Variants in VPS13B observed in about 807,000 individuals in gnomAD.
VPS13B encodes the protein intermembrane lipid transfer protein VPS13B.
A neutral mutation model predicts 426.4 loss-of-function variants in VPS13B; 285 were observed. That is an observed-to-expected ratio of 0.67 (90% CI 0.61 to 0.74). The LOEUF (loss-of-function observed/expected upper bound fraction) is 0.74. Ranked by LOEUF, VPS13B falls within the 30% of genes least tolerant of loss-of-function variation. VPS13B has a pLI of 0.00. For missense variants in VPS13B, 4,537 were observed against 4,782.6 expected (o/e 0.95, Z 1.51); for synonymous variants, 1,676 against 1,676.4 (o/e 1.00, Z 0.01).
intron 19 of VPS13B, among the ~76,000 whole-genome samples, chr8:99,330,740 C>A (rs1228072873): frequency 6.6e-6 from 1 of 151,774 alleles, no homozygotes; most frequent in African/African-American, 2.4e-5. Flanking sequence ...GTTATTTGAT[C>A]TAGTCATTGT....
chr8:99,708,596 A>G (rs889913828), intron 36 of VPS13B, among the ~76,000 whole-genome samples: 3 of 152,146 alleles, frequency 2.0e-5, no homozygotes, highest in Admixed American at 6.5e-5. Flanking sequence ...AATCTCACCT[A>G]TGAGAAGTCA....
rs111715326 is a variant in VPS13B, at chr8:99,800,750, T to C, written c.7942-8625T>C. Among the ~76,000 whole-genome samples, 99 of 152,236 alleles carry C rather than the reference T, an allele frequency of 6.5e-4. 2 individuals are homozygous for C. In the South Asian group the frequency reaches 8.5e-3, roughly 13 times the overall value. On this transcript the variant is annotated intron_variant, in intron 43 of 61. Coordinates refer to ENST00000357162, the MANE Select transcript of VPS13B (RefSeq NM_152564.5). ...TACATATGTAAACTTCAGCCAGAGA[T>C]TGAACAGAGAAAATTCCTGAACAAT... is the stretch of plus-strand genomic sequence containing the variant.
At chr8:99,021,681 G>A (rs1032650928) in intron 2 of VPS13B, among the ~76,000 whole-genome samples, 1 of 151,792 alleles carries the variant, frequency 6.6e-6, no homozygotes, top group Non-Finnish European at 1.5e-5. Context: ...CTGGAGTGCA[G>A]TGGCATGATC....
chr8:99,806,031 C>T (rs1167241033), intron 43 of VPS13B, among the ~76,000 whole-genome samples: 2 of 152,188 alleles, frequency 1.3e-5, no homozygotes, highest in African/African-American at 4.8e-5. Flanking sequence ...GCTTTCCTCT[C>T]CCCTGTATTT....
At chr8:99,747,529 T>C (rs1323312648) in intron 39 of VPS13B, among the ~76,000 whole-genome samples, 1 of 152,066 alleles carries the variant, frequency 6.6e-6, no homozygotes, top group Non-Finnish European at 1.5e-5. Flanking sequence ...CATTCAGAAG[T>C]AAAATCATTC....
At chr8:99,638,083 A>G (rs1188904355) in intron 33 of VPS13B, among the ~76,000 whole-genome samples, 1 of 152,168 alleles carries the variant, frequency 6.6e-6, no homozygotes, top group Non-Finnish European at 1.5e-5. Context: ...AAATTTTCAT[A>G]ATAAGGATAA....
intron 2 of VPS13B, among the ~76,000 whole-genome samples, chr8:99,034,121 C>T (rs1333907525): frequency 1.3e-5 from 2 of 152,176 alleles, no homozygotes; most frequent in Admixed American, 6.5e-5. Context: ...TTGATTTCTT[C>T]TCCCCCAGGA....
At chr8:99,458,387 C>A (rs369364843) in intron 23 of VPS13B, among the ~76,000 whole-genome samples, 4 of 151,766 alleles carry the variant, frequency 2.6e-5, no homozygotes, top group South Asian at 2.1e-4. Flanking sequence ...TACGTGTGGC[C>A]TGTGTCTTTA....
intron 17 of VPS13B, chr8:99,233,310 A>AT: frequency 9.0e-7 from 1 of 1,114,740 alleles, no homozygotes; most frequent in South Asian, 1.2e-5. Flanking sequence ...GCACTCTGAT[A>AT]TGGGCTTCCA....
intron 39 of VPS13B, among the ~76,000 whole-genome samples, chr8:99,742,256 C>A (rs1215976979): frequency 6.6e-6 from 1 of 152,006 alleles, no homozygotes; most frequent in Admixed American, 6.6e-5. Flanking sequence ...ACACATACAC[C>A]CTCCCAAGAC....
In VPS13B at chr8:99,362,466, T is replaced by G. The variant is rs2133240473; in HGVS notation, c.2825-21742T>G. Among the ~76,000 whole-genome samples the G allele has an allele frequency of 2.6e-5, 4 of 152,260 alleles. No homozygotes were observed. In the South Asian group the frequency reaches 8.3e-4, roughly 32 times the overall value. ...CTAATTTGTCTTTATGCCTTTAGTT[T>G]CATTATAGTGGATAACTAATAAACG... On this transcript the variant is annotated intron_variant, in intron 19 of 61. Transcript: ENST00000357162.
intron 16 of VPS13B, among the ~76,000 whole-genome samples, chr8:99,190,654 T>C (rs913145607): frequency 1.3e-5 from 2 of 152,152 alleles, no homozygotes; most frequent in Non-Finnish European, 2.9e-5. Flanking sequence ...TACCTTCAAA[T>C]AATGTTATAC....
At chr8:99,799,763 A>C (rs1004956986) in intron 43 of VPS13B, among the ~76,000 whole-genome samples, 1 of 152,222 alleles carries the variant, frequency 6.6e-6, no homozygotes, top group Non-Finnish European at 1.5e-5. Context: ...TTTACTGAAT[A>C]GTGAATGTTA....
intron 43 of VPS13B, among the ~76,000 whole-genome samples, chr8:99,806,392 C>T (rs1284925144): frequency 6.6e-6 from 1 of 152,158 alleles, no homozygotes; most frequent in Non-Finnish European, 1.5e-5. Flanking sequence ...CTCTGAGACC[C>T]AGCTGCTTCC....
intron 25 of VPS13B, among the ~76,000 whole-genome samples, chr8:99,484,964 C>T (rs867197453): frequency 1.4e-4 from 22 of 152,028 alleles, no homozygotes; most frequent in African/African-American, 4.3e-4. Flanking sequence ...CTTGAGTACA[C>T]GCAAATTTCT....
chr8:99,452,981 G>A (rs1156563128), intron 23 of VPS13B, among the ~76,000 whole-genome samples: 3 of 152,190 alleles, frequency 2.0e-5, no homozygotes, highest in Admixed American at 2.0e-4. Context: ...CTGTGCCTAA[G>A]AGAGGTTTGT....
chr8:99,806,095 G>A (rs1358310457), intron 43 of VPS13B, among the ~76,000 whole-genome samples: 1 of 152,104 alleles, frequency 6.6e-6, no homozygotes, highest in Non-Finnish European at 1.5e-5. Context: ...CTCTCCACGT[G>A]CTCTCACTCT....
At chr8:99,872,919 TAGTC>T (rs1817500696) in intron 61 of VPS13B, among the ~76,000 whole-genome samples, 1 of 152,162 alleles carries the variant, frequency 6.6e-6, no homozygotes, top group Non-Finnish European at 1.5e-5. Flanking sequence ...ATCATGATCA[TAGTC>T]AGGCTTTAAG....
intron 31 of VPS13B, among the ~76,000 whole-genome samples, chr8:99,565,398 A>G (rs976725929): frequency 3.3e-5 from 5 of 151,790 alleles, no homozygotes; most frequent in African/African-American, 7.3e-5. Flanking sequence ...AATTTTAAAA[A>G]TTGTTGTTAC....
Sources: gnomAD v4.1 joint callset for allele counts (sites outside exome capture counted in the v4.1 genomes callset) on GRCh38, gnomAD v4.1.1 for gene constraint, MANE v1.5 for transcripts, NCBI Gene and HGNC (gene_info 2026-07-23, HGNC 2026-07-21) for gene names.